PBRM1: variants seen among roughly 807,000 people sequenced by gnomAD.
PBRM1 encodes the protein polybromo 1.
Under a neutral mutation model 194.5 loss-of-function variants are expected in PBRM1, and 27 were observed. The observed-to-expected ratio is 0.14, with a 90% confidence interval of 0.10 to 0.19. The LOEUF (loss-of-function observed/expected upper bound fraction) is 0.19, where lower values mean the gene tolerates loss of function less well. PBRM1 is among the 10% of genes least tolerant of loss of function. The pLI is 1.00. For missense variants in PBRM1, 1,466 were observed against 2,077.2 expected (o/e 0.71, Z 5.72); for synonymous variants, 655 against 693.2 (o/e 0.94, Z 0.87).
chr3:52,624,997 G>C, intron 13 of PBRM1, 56 bp from the exon 15 acceptor site: 1 of 1,186,270 alleles, frequency 8.4e-7, no homozygotes, highest in Non-Finnish European at 1.2e-6. Context: ...AGCAACATTG[G>C]AGGGTCATGT....
intron 10 of PBRM1, among the ~76,000 whole-genome samples, chr3:52,639,596 G>A (rs2095989090): frequency 6.6e-6 from 1 of 152,038 alleles, no homozygotes; most frequent in African/African-American, 2.4e-5. Context: ...AGCTGGGTGT[G>A]GTGGCAAGTA....
At chr3:52,660,086 G>A (rs536267212) in intron 4 of PBRM1, among the ~76,000 whole-genome samples, 1 of 152,140 alleles carries the variant, frequency 6.6e-6, no homozygotes, top group African/African-American at 2.4e-5. Flanking sequence ...GCAAGACACT[G>A]TCTCAAAAAA....
chr3:52,564,098 C>G (rs149630630), exon 23 of PBRM1: 27 of 1,613,564 alleles, frequency 1.7e-5, no homozygotes, highest in Non-Finnish European at 2.3e-5. Context: ...GAGTGAAAAC[C>G]TCTTCAATCC....
chr3:52,633,262 T>C (rs1323361863), intron 11 of PBRM1, among the ~76,000 whole-genome samples: 1 of 152,170 alleles, frequency 6.6e-6, no homozygotes. Context: ...CTCATATCAA[T>C]AGAATCATTC....
At chr3:52,647,446 AAAAAAAAAAAAATATATATATATATAT>A (rs1174796465) in intron 7 of PBRM1, among the ~76,000 whole-genome samples, 1 of 81,108 alleles carries the variant, frequency 1.2e-5, no homozygotes, top group Non-Finnish European at 2.6e-5. Flanking sequence ...AAAAAAAAAA[AAAAAAAAAAAAATATATATATATATAT>A]ATATATATAT....
chr3:52,602,096 C>T (rs1476847728), intron 17 of PBRM1, among the ~76,000 whole-genome samples: 1 of 152,190 alleles, frequency 6.6e-6, no homozygotes, highest in African/African-American at 2.4e-5. Context: ...CAATCAGTTG[C>T]TGCTTTTAAG....
downstream of PBRM1, chr3:52,547,884 TAACA>T (rs1022741070): frequency 9.8e-5 from 51 of 517,944 alleles, no homozygotes; most frequent in East Asian, 5.0e-4. Context: ...CAACTTAATA[TAACA>T]AACAAATTGA....
chr3:52,611,115 T>A (rs1189533674), intron 15 of PBRM1, among the ~76,000 whole-genome samples: 1 of 152,164 alleles, frequency 6.6e-6, no homozygotes, highest in Non-Finnish European at 1.5e-5. Context: ...CAATACATAT[T>A]TTGAAAACTG....
chr3:52,610,911 C>G (rs2094573253), intron 15 of PBRM1, among the ~76,000 whole-genome samples: 1 of 152,108 alleles, frequency 6.6e-6, no homozygotes, highest in South Asian at 2.1e-4. Context: ...TACACTCTAG[C>G]CTGGGCGACA....
intron 22 of PBRM1, among the ~76,000 whole-genome samples, chr3:52,566,519 C>A (rs1255686041): frequency 2.0e-5 from 3 of 151,964 alleles, no homozygotes; most frequent in Non-Finnish European, 2.9e-5. Flanking sequence ...CATGGATGAG[C>A]CTTGAAAACA....
At chr3:52,683,550 A>C (rs566099709), upstream of PBRM1, among the ~76,000 whole-genome samples, 25 of 152,226 alleles carry the variant, frequency 1.6e-4, no homozygotes, top group Admixed American at 3.3e-4. Flanking sequence ...ACAGTGGCTC[A>C]TGCCTGTAAT....
At chr3:52,587,272 G>A in intron 19 of PBRM1, 81 bp downstream of exon 21, 1 of 1,044,700 alleles carries the variant, frequency 9.6e-7, no homozygotes, top group Non-Finnish European at 1.5e-6. Context: ...TCCTAATTTT[G>A]TAAACATCGA....
chr3:52,674,324 A>C (rs2097031440), intron 2 of PBRM1, among the ~76,000 whole-genome samples: 1 of 151,080 alleles, frequency 6.6e-6, no homozygotes, highest in Non-Finnish European at 1.5e-5. Context: ...TCTACTAAAA[A>C]TACAAAATTA....
chr3:52,678,293 G>C (rs139281339), intron 2 of PBRM1, among the ~76,000 whole-genome samples: 1,559 of 152,094 alleles, frequency 0.01, 26 homozygotes, highest in African/African-American at 0.036. Flanking sequence ...TGGGATTATA[G>C]GTGCATGTTA....
In PBRM1 at chr3:52,675,825, T is replaced by C. The variant is rs933797769; in HGVS notation, c.236+2675A>G. ...AAACTGGATACACACATATAAAGAA[T>C]GAAGCGGGGGCCGGGCGCGGTGGCT... On this transcript the variant is annotated intron_variant, in intron 2 of 29. Transcript: ENST00000296302. Among the ~76,000 whole-genome samples the C allele has an allele frequency of 2.0e-5, 3 of 151,450 alleles. 1 individual carries two copies. The East Asian group carries it at 5.8e-4, about 29-fold the overall frequency.
chr3:52,604,340 T>C (rs539662426), intron 16 of PBRM1, among the ~76,000 whole-genome samples: 4 of 152,128 alleles, frequency 2.6e-5, no homozygotes, highest in African/African-American at 7.2e-5. Flanking sequence ...AAAGGCAACA[T>C]AGTGAAAGAT....
intron 22 of PBRM1, among the ~76,000 whole-genome samples, chr3:52,574,339 C>CTAAA (rs1255941023): frequency 2.0e-5 from 3 of 152,194 alleles, no homozygotes; most frequent in African/African-American, 7.2e-5. Flanking sequence ...CCCTCATGAC[C>CTAAA]TAAACATCTC....
chr3:52,685,898 G>A (rs918066364), upstream of PBRM1: 14 of 631,754 alleles, frequency 2.2e-5, no homozygotes, highest in African/African-American at 1.7e-4. Flanking sequence ...ACCCCTCCCG[G>A]TGCCGCCGCA....
At chr3:52,596,212 G>A (rs1374667741) in intron 17 of PBRM1, among the ~76,000 whole-genome samples, 2 of 151,822 alleles carry the variant, frequency 1.3e-5, no homozygotes, top group Non-Finnish European at 2.9e-5. Flanking sequence ...GGCCGAGGCG[G>A]GTGGATCACG....
Sources: allele counts gnomAD v4.1 joint callset (sites outside exome capture counted in the v4.1 genomes callset), GRCh38; gene constraint gnomAD v4.1.1; transcripts MANE v1.5; gene names NCBI Gene and HGNC (gene_info 2026-07-23, HGNC 2026-07-21).